Variants in STK32B observed in about 807,000 individuals in gnomAD.
STK32B encodes the protein serine/threonine kinase 32B.
A neutral mutation model predicts 52.6 loss-of-function variants in STK32B; 43 were observed. The ratio of observed to expected loss-of-function variants is 0.82; its 90% confidence interval spans 0.64 to 1.05. STK32B has a LOEUF of 1.05. STK32B is among the 50% of genes least tolerant of loss of function. STK32B has a pLI of 0.00. For synonymous variants in STK32B, 238 were observed against 204.3 expected (o/e 1.17, Z -1.41); for missense variants, 621 against 534.6 (o/e 1.16, Z -1.59).
At chr4:5,219,211 C>A (rs1462594600) in intron 3 of STK32B, among the ~76,000 whole-genome samples, 1 of 152,200 alleles carries the variant, frequency 6.6e-6, no homozygotes, top group Non-Finnish European at 1.5e-5. Context: ...CCCCCTACAC[C>A]CAGGAGGGGC....
At chr4:5,052,271 C>T (rs1028918759) in intron 1 of STK32B, among the ~76,000 whole-genome samples, 3 of 152,082 alleles carry the variant, frequency 2.0e-5, no homozygotes, top group Non-Finnish European at 2.9e-5. Context: ...CCGAGGTTTC[C>T]TTGAGAGCCT....
intron 1 of STK32B, among the ~76,000 whole-genome samples, chr4:5,091,342 C>CTAA (rs567681240): frequency 6.6e-6 from 1 of 151,984 alleles, no homozygotes; most frequent in South Asian, 2.1e-4. Flanking sequence ...TGATAAGGAC[C>CTAA]TAATAAACAG....
intron 3 of STK32B, among the ~76,000 whole-genome samples, chr4:5,301,818 T>C (rs1185548291): frequency 1.4e-5 from 2 of 144,480 alleles, no homozygotes; most frequent in African/African-American, 5.6e-5. Flanking sequence ...TCTTTGTCAT[T>C]TCCTTCGTTT....
intron 2 of STK32B, among the ~76,000 whole-genome samples, chr4:5,163,538 C>CTGTGTG (rs3077842): frequency 0.045 from 6,284 of 139,350 alleles, 173 homozygotes; most frequent in Non-Finnish European, 0.052. Flanking sequence ...AGAGTGAAGG[C>CTGTGTG]TGTGTGTGTG....
At chr4:5,165,374 GTC>G (rs1333546111) in intron 2 of STK32B, among the ~76,000 whole-genome samples, 5 of 152,166 alleles carry the variant, frequency 3.3e-5, no homozygotes, top group Admixed American at 6.5e-5. Flanking sequence ...ATTTTGGAGA[GTC>G]TCTTCCAATT....
At chr4:5,260,588 A>C (rs919908847) in intron 3 of STK32B, among the ~76,000 whole-genome samples, 2 of 152,196 alleles carry the variant, frequency 1.3e-5, no homozygotes, top group Non-Finnish European at 2.9e-5. Context: ...TAACTTTGAA[A>C]GGGCCTTCTG....
chr4:5,376,920 G>T (rs1044309752), intron 4 of STK32B, among the ~76,000 whole-genome samples: 2 of 152,030 alleles, frequency 1.3e-5, no homozygotes, highest in Admixed American at 1.3e-4. Context: ...GTTTGATGGT[G>T]CCCTGCAGTC....
intron 1 of STK32B, among the ~76,000 whole-genome samples, chr4:5,112,012 C>A (rs962234048): frequency 6.6e-6 from 1 of 152,102 alleles, no homozygotes; most frequent in Non-Finnish European, 1.5e-5. Flanking sequence ...ATCATCCTAC[C>A]CTTTGTTTAA....
At chr4:5,024,036 G>A in the STK32B span, among the ~76,000 whole-genome samples, 2 of 152,084 alleles carry the variant, frequency 1.3e-5, no homozygotes, top group Non-Finnish European at 2.9e-5. Flanking sequence ...AAATATAGAG[G>A]GAATCTGGAG....
At chr4:5,189,662 C>T (rs1446627496) in intron 3 of STK32B, among the ~76,000 whole-genome samples, 2 of 152,168 alleles carry the variant, frequency 1.3e-5, no homozygotes, top group African/African-American at 4.8e-5. Flanking sequence ...AACTCCTTTG[C>T]ATAAATACTA....
At chr4:5,154,964 G>A (rs1717685202) in intron 2 of STK32B, among the ~76,000 whole-genome samples, 1 of 152,160 alleles carries the variant, frequency 6.6e-6, no homozygotes, top group Non-Finnish European at 1.5e-5. Flanking sequence ...CTCCATGCCA[G>A]GCCACAAGGT....
rs867557780 is a variant in STK32B at position 5,257,006 on chromosome 4, A to C, written c.261-74214A>C. On this transcript the variant is annotated intron_variant, in intron 3 of 11. Coordinates refer to ENST00000282908, the MANE Select transcript of STK32B (RefSeq NM_018401.3). ...GGGTGAGGGGATGAATATGTGAGTGAGTGGATGAATAAGTGAATGAGTGGA... is the reference window on the plus strand; with the variant it reads ...GGGTGAGGGGATGAATATGTGAGTGCGTGGATGAATAAGTGAATGAGTGGA... 2.0e-5 allele frequency among the ~76,000 whole-genome samples: 3 copies of C among 152,282 alleles called. No individual in the cohort carries two copies. The Middle Eastern group carries it at 0.01, about 518-fold the overall frequency.
chr4:5,195,582 A>G (rs2108769479), intron 3 of STK32B, among the ~76,000 whole-genome samples: 1 of 152,218 alleles, frequency 6.6e-6, no homozygotes, highest in African/African-American at 2.4e-5. Context: ...AATTCCAGCT[A>G]CTTGGGAGAC....
intron 4 of STK32B, among the ~76,000 whole-genome samples, chr4:5,360,166 T>A (rs1560351044): frequency 6.6e-6 from 1 of 152,152 alleles, no homozygotes; most frequent in Non-Finnish European, 1.5e-5. Flanking sequence ...CAGCCACAGT[T>A]CAGTTGCCTG....
chr4:5,093,911 A>G (rs930732748), intron 1 of STK32B, among the ~76,000 whole-genome samples: 2 of 152,344 alleles, frequency 1.3e-5, no homozygotes, highest in African/African-American at 4.8e-5. Flanking sequence ...GAAGCAGAGA[A>G]AAGTCCTGAC....
intron 1 of STK32B, among the ~76,000 whole-genome samples, chr4:5,080,485 G>C (rs1484914216): frequency 6.6e-6 from 1 of 152,102 alleles, no homozygotes; most frequent in Admixed American, 6.6e-5. Flanking sequence ...TGAAACGTCA[G>C]TTTCTCAAGG....
chr4:5,035,144 C>T, the STK32B span, among the ~76,000 whole-genome samples: 2 of 152,172 alleles, frequency 1.3e-5, no homozygotes, highest in African/African-American at 2.4e-5. Context: ...AACTTCAGAA[C>T]CACGTTGCTT....
intron 4 of STK32B, among the ~76,000 whole-genome samples, chr4:5,376,939 G>A (rs1252295510): frequency 6.6e-6 from 1 of 152,034 alleles, no homozygotes; most frequent in Admixed American, 6.5e-5. Flanking sequence ...TCTGCCCAGG[G>A]CCTCTGCCCC....
intron 1 of STK32B, among the ~76,000 whole-genome samples, chr4:5,062,160 A>G (rs1742241135): frequency 6.6e-6 from 1 of 152,162 alleles, no homozygotes. Flanking sequence ...CCTAAGATCT[A>G]CTACCCAACT....
Sources: allele counts gnomAD v4.1 joint callset (sites outside exome capture counted in the v4.1 genomes callset), GRCh38; gene constraint gnomAD v4.1.1; transcripts MANE v1.5; gene names NCBI Gene and HGNC (gene_info 2026-07-23, HGNC 2026-07-21).